GPM6B: variants seen among roughly 807,000 people sequenced by gnomAD.
GPM6B encodes the protein glycoprotein M6B.
Under a neutral mutation model 27.2 loss-of-function variants are expected in GPM6B, and 4 were observed. The observed-to-expected ratio is 0.15, with a 90% CI of 0.07 to 0.34. The LOEUF (loss-of-function observed/expected upper bound fraction) is 0.34, where lower values mean the gene tolerates loss of function less well. Ranked by LOEUF, GPM6B falls within the 10% of genes least tolerant of loss-of-function variation. The pLI is 1.00. For synonymous variants in GPM6B, 124 were observed against 103.1 expected, an observed-to-expected ratio of 1.20 and a Z score of -1.23; for missense variants, 183 against 261.9, an observed-to-expected ratio of 0.70 and a Z score of 2.08.
intron 1 of GPM6B, among the ~76,000 whole-genome samples, chrX:13,814,633 T>C (rs2049200539): frequency 8.9e-6 from 1 of 112,557 alleles, no homozygotes; most frequent in South Asian, 3.7e-4. Context: ...TATCATTTTA[T>C]CCTATGTGTA....
chrX:13,892,478 T>TTA (rs753391430), intron 1 of GPM6B, among the ~76,000 whole-genome samples: 1 of 112,410 alleles, frequency 8.9e-6, no homozygotes, highest in East Asian at 2.8e-4. Context: ...CTGTCCATGC[T>TTA]TATATACCAA....
intron 1 of GPM6B, among the ~76,000 whole-genome samples, chrX:13,898,968 C>G (rs1021306867): frequency 8.9e-6 from 1 of 112,007 alleles, no homozygotes; most frequent in African/African-American, 3.2e-5. Context: ...ACTGAAGATA[C>G]AGAACATGCC....
At chrX:13,893,769 TCACTGAAGGGAAGCCTTC>T (rs892656113) in intron 1 of GPM6B, among the ~76,000 whole-genome samples, 11 of 112,469 alleles carry the variant, frequency 9.8e-5, no homozygotes, top group African/African-American at 3.6e-4. Context: ...GTTCCCCAAG[TCACTGAAGGGAAGCCTTC>T]CACAGATCTG....
rs201212032 is a variant in GPM6B, at chrX:13,926,429, A to C, written c.-198+11898T>G. 4.2e-3 allele frequency among the ~76,000 whole-genome samples: 439 copies of C among 105,775 alleles called. 1 individual carries two copies. The highest frequency in any genetic ancestry group is 6.4e-3 in the South Asian group (16 of 2,492). 91.9% of individuals were successfully genotyped at this position (105,775 alleles called of 115,157 possible). A position where few individuals can be genotyped will look rare whatever the true frequency, so the allele number is the denominator to read the frequency against. ...CATCTCAAAAAAACAAACAAACAAA[A>C]AAAAAAAACACACAAAAAAAGCAGA... On this transcript the variant is annotated intron_variant, in intron 1 of 6. Coordinates refer to the GPM6B transcript ENST00000398361.
intron 1 of GPM6B, among the ~76,000 whole-genome samples, chrX:13,833,852 C>T (rs2049468296): frequency 8.9e-6 from 1 of 112,774 alleles, no homozygotes; most frequent in Non-Finnish European, 1.9e-5. Context: ...TAAGTGATGG[C>T]TTTCAATTCA....
intron 2 of GPM6B, among the ~76,000 whole-genome samples, chrX:13,796,272 T>C (rs913080803): frequency 9.0e-6 from 1 of 111,576 alleles, no homozygotes; most frequent in Admixed American, 9.5e-5. Context: ...TTTCGCCATG[T>C]TGACCAGGCT....
chrX:13,905,243 A>AAG (rs1426524665), intron 1 of GPM6B, among the ~76,000 whole-genome samples: 1 of 106,267 alleles, frequency 9.4e-6, no homozygotes, highest in Admixed American at 1.0e-4. Flanking sequence ...AAAAAAAAAA[A>AAG]AAAGAAAAGA....
chrX:13,816,573 T>C (rs2049238515), intron 1 of GPM6B, among the ~76,000 whole-genome samples: 1 of 110,919 alleles, frequency 9.0e-6, no homozygotes, highest in African/African-American at 3.3e-5. Context: ...AAAGACAGTT[T>C]CCCCAATGCA....
intron 1 of GPM6B, among the ~76,000 whole-genome samples, chrX:13,907,642 C>T (rs1569299039): frequency 8.9e-6 from 1 of 112,015 alleles, no homozygotes; most frequent in Non-Finnish European, 1.9e-5. Flanking sequence ...TGTACTCCAG[C>T]CTGGGCAACA....
At chrX:13,834,398 G>C (rs1175207542) in intron 1 of GPM6B, among the ~76,000 whole-genome samples, 1 of 112,281 alleles carries the variant, frequency 8.9e-6, no homozygotes, top group African/African-American at 3.2e-5. Context: ...AATCTTACTG[G>C]GCCAAGAGAG....
chrX:13,777,568 A>G (rs1321132350), intron 5 of GPM6B, 143 bp from the exon 6 acceptor site: 1 of 460,746 alleles, frequency 2.2e-6, no homozygotes, highest in Admixed American at 3.3e-5. Flanking sequence ...TGTCTGCAGA[A>G]CAAGCATTTT....
chrX:13,818,356 C>G (rs2049270711), upstream of GPM6B, among the ~76,000 whole-genome samples: 1 of 111,148 alleles, frequency 9.0e-6, no homozygotes. Context: ...CTCCTAAAAT[C>G]ACTCTCCTAA....
intron 1 of GPM6B, among the ~76,000 whole-genome samples, chrX:13,822,512 TGGG>T (rs2049322021): frequency 9.1e-6 from 1 of 110,115 alleles, no homozygotes; most frequent in Non-Finnish European, 1.9e-5. Flanking sequence ...ACTACAGGCG[TGGG>T]GCCACCACGC....
rs192707935 is a variant in GPM6B, at chrX:13,800,384, C to T, written c.181+7266G>A. ...GTCCAGACTCCTGACCTAAGGAAGC[C>T]GAGATAATATACATTTTTGTTTCTA... is the stretch of plus-strand genomic sequence containing the variant. On this transcript the variant is annotated intron_variant, in intron 2 of 7. Coordinates refer to ENST00000316715, the MANE Select transcript of GPM6B (RefSeq NM_001001995.3). Among the ~76,000 whole-genome samples, 533 of 111,796 alleles carry T rather than the reference C, an allele frequency of 4.8e-3. 3 individuals are homozygous for T. Among genetic ancestry groups the T allele is most frequent in the African/African-American group, 0.016 (493 of 30,753 alleles).
chrX:13,782,988 C>T (rs1463678470), intron 4 of GPM6B, among the ~76,000 whole-genome samples: 1 of 111,274 alleles, frequency 9.0e-6, no homozygotes, highest in Non-Finnish European at 1.9e-5. Flanking sequence ...AGGATCAGGA[C>T]GATTTTCCAT....
chrX:13,794,230 G>C (rs1328776667), intron 2 of GPM6B, among the ~76,000 whole-genome samples: 1 of 108,501 alleles, frequency 9.2e-6, no homozygotes, highest in African/African-American at 3.4e-5. Context: ...TGTTACCCAG[G>C]TTCAAGTGCA....
At chrX:13,801,280 G>A (rs1044354391) in intron 2 of GPM6B, among the ~76,000 whole-genome samples, 11 of 111,763 alleles carry the variant, frequency 9.8e-5, no homozygotes, top group African/African-American at 3.6e-4. Flanking sequence ...AAGAAGGGCT[G>A]AGCCTTAGTT....
At chrX:13,826,869 TTCTC>T (rs2049379767) in intron 1 of GPM6B, among the ~76,000 whole-genome samples, 1 of 111,131 alleles carries the variant, frequency 9.0e-6, no homozygotes, top group Non-Finnish European at 1.9e-5. Context: ...GGCACTTGGA[TTCTC>T]TCATTAAGAG....
Position 13,776,356 on chromosome X carries a change from T to A in GPM6B, c.772-53A>T, listed in dbSNP as rs745480992. The A allele has an allele frequency of 1.4e-4, 136 of 979,810 alleles. No homozygotes were observed. The Middle Eastern group carries it at 2.0e-3, about 14-fold the overall frequency. 80.7% of individuals were successfully genotyped at this position (979,810 alleles called of 1,213,427 possible). A position where few individuals can be genotyped will look rare whatever the true frequency, so the allele number is the denominator to read the frequency against. On this transcript the variant is annotated intron_variant, in intron 6 of 7. Coordinates refer to ENST00000316715, the MANE Select transcript of GPM6B (RefSeq NM_001001995.3). ...GCATTTGATGTTAAATGAAATGGCC[T>A]ACACTCATTGTGGGGTGCTGCTTCA...
Sources: gnomAD v4.1 joint callset for allele counts (sites outside exome capture counted in the v4.1 genomes callset) on GRCh38, gnomAD v4.1.1 for gene constraint, MANE v1.5 for transcripts, NCBI Gene and HGNC (gene_info 2026-07-23, HGNC 2026-07-21) for gene names.